EFCAB11: variants seen among roughly 807,000 people sequenced by gnomAD.
EFCAB11 encodes EF-hand calcium binding domain 11, also known as EF-hand calcium-binding domain-containing protein 11.
In EFCAB11, 14 loss-of-function variants were observed where a neutral mutation model predicts 23.0. That is an observed-to-expected ratio of 0.61 (90% CI 0.40 to 0.95). The LOEUF is 0.95. Ranked by LOEUF, EFCAB11 falls within the 40% of genes least tolerant of loss-of-function variation. EFCAB11 has a pLI of 0.00. For missense variants in EFCAB11, 198 were observed against 195.8 expected, an observed-to-expected ratio of 1.01 and a Z score of -0.07; for synonymous variants, 65 against 66.6, an observed-to-expected ratio of 0.98 and a Z score of 0.11.
At chr14:89,946,737 T>A (rs1055914067) in intron 3 of EFCAB11, among the ~76,000 whole-genome samples, 1 of 151,538 alleles carries the variant, frequency 6.6e-6, no homozygotes, top group Non-Finnish European at 1.5e-5. Context: ...GCCTGGCTTT[T>A]TTTTTTTTTT....
At position 89,954,720 on chromosome 14, in the gene EFCAB11, G is replaced by A; in HGVS notation, c.-60C>T. On this transcript the variant is annotated 5_prime_UTR_variant, in exon 1 of 6. Coordinates refer to ENST00000316738, the MANE Select transcript of EFCAB11 (RefSeq NM_145231.4). ...CAGCTACCACCGCTTTCCCAGCCTG[G>A]CTGGCAGCCTACCGCGGCCACGCCC... 1 of 1,573,134 alleles carries A rather than the reference G, an allele frequency of 6.4e-7. No individual in the cohort carries two copies. Among genetic ancestry groups the A allele is most frequent in the Non-Finnish European group, 8.6e-7 (1 of 1,162,794 alleles).
At chr14:89,802,505 C>T (rs896091182) in intron 5 of EFCAB11, among the ~76,000 whole-genome samples, 1 of 152,184 alleles carries the variant, frequency 6.6e-6, no homozygotes, top group African/African-American at 2.4e-5. Flanking sequence ...GATTCTCCTG[C>T]CTCAGCCTCC....
At chr14:89,845,754 G>A (rs895073536) in intron 5 of EFCAB11, among the ~76,000 whole-genome samples, 5 of 152,194 alleles carry the variant, frequency 3.3e-5, no homozygotes, top group Admixed American at 3.3e-4. Context: ...CTGTGATTCT[G>A]TGCTTTAGGG....
intron 5 of EFCAB11, among the ~76,000 whole-genome samples, chr14:89,805,708 A>C (rs1164179172): frequency 6.6e-6 from 1 of 152,198 alleles, no homozygotes; most frequent in African/African-American, 2.4e-5. Context: ...CCCTATGTCA[A>C]GACTCTTAGT....
chr14:89,836,073 G>A (rs567232781), intron 5 of EFCAB11, among the ~76,000 whole-genome samples: 14 of 152,282 alleles, frequency 9.2e-5, no homozygotes, highest in South Asian at 8.3e-4. Flanking sequence ...ATTGCTAGGA[G>A]TATGAGGGGC....
intron 5 of EFCAB11, among the ~76,000 whole-genome samples, chr14:89,804,684 T>G (rs1470429404): frequency 6.6e-6 from 1 of 152,188 alleles, no homozygotes; most frequent in African/African-American, 2.4e-5. Context: ...TCATATCAGA[T>G]TCTCACTCAA....
At chr14:89,903,669 T>A (rs1451334164) in intron 5 of EFCAB11, among the ~76,000 whole-genome samples, 1 of 152,178 alleles carries the variant, frequency 6.6e-6, no homozygotes, top group Non-Finnish European at 1.5e-5. Context: ...TAAATCAATG[T>A]TAATTTTGGA....
chr14:89,820,988 T>TCA (rs1450198743), intron 5 of EFCAB11, among the ~76,000 whole-genome samples: 1 of 152,130 alleles, frequency 6.6e-6, no homozygotes, highest in Non-Finnish European at 1.5e-5. Context: ...TGATCTCAGC[T>TCA]CACTGCCACC....
chr14:89,874,627 G>T (rs1171672562), intron 5 of EFCAB11, among the ~76,000 whole-genome samples: 2 of 152,166 alleles, frequency 1.3e-5, no homozygotes, highest in Non-Finnish European at 2.9e-5. Flanking sequence ...GCTGGGCGTG[G>T]TGGCTCACAC....
intron 5 of EFCAB11, among the ~76,000 whole-genome samples, chr14:89,811,993 CTTTAT>C (rs1379928236): frequency 6.6e-6 from 1 of 152,092 alleles, no homozygotes; most frequent in Non-Finnish European, 1.5e-5. Context: ...GTAATATGAT[CTTTAT>C]TTTACCTTTC....
At chr14:89,869,200 C>T (rs4904627) in intron 5 of EFCAB11, among the ~76,000 whole-genome samples, 131,191 of 152,128 alleles carry the variant, frequency 0.86, 57,556 homozygotes, top group Non-Finnish European at 0.95. Flanking sequence ...GACCCTGTCT[C>T]AAAAAAGAAA....
chr14:89,856,093 T>C (rs1887742791), intron 5 of EFCAB11, among the ~76,000 whole-genome samples: 1 of 152,194 alleles, frequency 6.6e-6, no homozygotes, highest in Non-Finnish European at 1.5e-5. Context: ...TCGGCAGATA[T>C]CTTTACAAAG....
chr14:89,903,842 T>C (rs1001449311), intron 5 of EFCAB11, among the ~76,000 whole-genome samples: 3 of 152,182 alleles, frequency 2.0e-5, no homozygotes, highest in Non-Finnish European at 2.9e-5. Flanking sequence ...ATCTATCATA[T>C]GTACACAATG....
intron 5 of EFCAB11, among the ~76,000 whole-genome samples, chr14:89,904,094 A>T (rs1889419459): frequency 6.6e-6 from 1 of 152,162 alleles, no homozygotes; most frequent in African/African-American, 2.4e-5. Flanking sequence ...CGTCATTTAC[A>T]TTAGGTATTT....
At chr14:89,797,434 A>T in intron 5 of EFCAB11, 110 bp from the exon 6 acceptor site, 1 of 913,104 alleles carries the variant, frequency 1.1e-6, no homozygotes, top group Non-Finnish European at 1.6e-6. Context: ...AGAGGAACCT[A>T]TTTTATCTAC....
At chr14:89,819,189 A>G (rs1362941859) in intron 5 of EFCAB11, among the ~76,000 whole-genome samples, 1 of 152,234 alleles carries the variant, frequency 6.6e-6, no homozygotes, top group Non-Finnish European at 1.5e-5. Flanking sequence ...AACTGTTGAT[A>G]CATGGTATCC....
intron 3 of EFCAB11, among the ~76,000 whole-genome samples, chr14:89,943,297 G>A (rs1301447266): frequency 2.0e-5 from 3 of 150,710 alleles, no homozygotes; most frequent in South Asian, 2.1e-4. Context: ...CTAGGCTGGC[G>A]TGCAGTGGCG....
intron 5 of EFCAB11, among the ~76,000 whole-genome samples, chr14:89,912,562 CT>C (rs1223605958): frequency 6.6e-6 from 1 of 152,082 alleles, no homozygotes; most frequent in Non-Finnish European, 1.5e-5. Flanking sequence ...TTAATATATG[CT>C]TTTTTTACAT....
At chr14:89,931,405 C>T in intron 5 of EFCAB11, 136 bp downstream of exon 5, 1 of 792,212 alleles carries the variant, frequency 1.3e-6, no homozygotes, top group Non-Finnish European at 2.1e-6. Context: ...CCTCCTGGAC[C>T]ATGACACTAT....
Sources: gnomAD v4.1 joint callset for allele counts (sites outside exome capture counted in the v4.1 genomes callset) on GRCh38, gnomAD v4.1.1 for gene constraint, MANE v1.5 for transcripts, NCBI Gene and HGNC (gene_info 2026-07-23, HGNC 2026-07-21) for gene names.